TBCK: variants seen among roughly 807,000 people sequenced by gnomAD.
TBCK encodes TBC1 domain containing kinase, also known as TBC domain-containing protein kinase-like protein.
Under a neutral mutation model 113.4 loss-of-function variants are expected in TBCK, and 99 were observed. The ratio of observed to expected loss-of-function variants is 0.87; its 90% confidence interval spans 0.74 to 1.03. The LOEUF (loss-of-function observed/expected upper bound fraction) is 1.03, where lower values mean the gene tolerates loss of function less well. TBCK is among the 50% of genes least tolerant of loss of function. The pLI, the probability that TBCK is intolerant of heterozygous loss-of-function variation, is 0.00. For synonymous variants in TBCK, 369 were observed against 370.8 expected, an observed-to-expected ratio of 1.00 and a Z score of 0.05; for missense variants, 1,045 against 1,061.3, an observed-to-expected ratio of 0.98 and a Z score of 0.21.
chr4:106,228,503 T>C lies in TBCK; in HGVS notation c.1774+1860A>G, dbSNP rs916751823. Among the ~76,000 whole-genome samples the C allele has an allele frequency of 2.6e-5, 4 of 152,132 alleles. No homozygotes were observed. In the East Asian group the frequency reaches 7.7e-4, roughly 29 times the overall value. ...AAGTGAGAACATGTGAAGCCTGTCT[T>C]TTTGTGCCTGGCTTATTTCATTTAA... On this transcript the variant is annotated intron_variant, in intron 19 of 25. Coordinates refer to ENST00000394708, the MANE Select transcript of TBCK (RefSeq NM_001163435.3).
At chr4:106,051,485 T>C (rs1255573801) in intron 25 of TBCK, among the ~76,000 whole-genome samples, 1 of 151,886 alleles carries the variant, frequency 6.6e-6, no homozygotes, top group Non-Finnish European at 1.5e-5. Flanking sequence ...CGGTTGAGCA[T>C]GGTATTGAAT....
At chr4:106,112,682 A>G (rs1486673328) in intron 24 of TBCK, among the ~76,000 whole-genome samples, 1 of 152,180 alleles carries the variant, frequency 6.6e-6, no homozygotes, top group African/African-American at 2.4e-5. Flanking sequence ...CTCCGACTTC[A>G]GCATTTGCTA....
At chr4:106,303,355 G>A (rs867275443) in intron 2 of TBCK, among the ~76,000 whole-genome samples, 2 of 151,772 alleles carry the variant, frequency 1.3e-5, no homozygotes, top group Non-Finnish European at 1.5e-5. Flanking sequence ...TTTTCCATTA[G>A]GAATCCTTTT....
rs941055100 is a variant in TBCK, at chr4:106,099,535, A to T, written c.2412-3894T>A. 2.6e-5 allele frequency among the ~76,000 whole-genome samples: 4 copies of T among 152,168 alleles called. No homozygotes were observed. The East Asian group carries it at 7.7e-4, about 29-fold the overall frequency. ...TTAAACCCACAGTTCTCTCATATAT[A>T]CCATAACTAAATAGCATTAACTGAT... On this transcript the variant is annotated intron_variant, in intron 24 of 25. Coordinates refer to ENST00000394708, the MANE Select transcript of TBCK (RefSeq NM_001163435.3).
intron 3 of TBCK, among the ~76,000 whole-genome samples, chr4:106,275,669 A>C (rs1231109841): frequency 6.6e-6 from 1 of 152,190 alleles, no homozygotes; most frequent in African/African-American, 2.4e-5. Flanking sequence ...TTTTACCTAC[A>C]ATCATATCAA....
chr4:106,247,100 A>C (rs763275302), intron 10 of TBCK, 39 bp downstream of exon 10: 155 of 1,579,830 alleles, frequency 9.8e-5, no homozygotes, highest in Non-Finnish European at 1.3e-4. Context: ...CTTTAAAAAC[A>C]AGGCTCATAT....
intron 22 of TBCK, among the ~76,000 whole-genome samples, chr4:106,187,927 A>T (rs975088991): frequency 2.6e-5 from 4 of 152,196 alleles, no homozygotes; most frequent in African/African-American, 9.6e-5. Flanking sequence ...TAAAGTTTTC[A>T]TCAAATCTAG....
chr4:106,224,833 T>C (rs1047042834), intron 19 of TBCK, among the ~76,000 whole-genome samples: 10 of 152,188 alleles, frequency 6.6e-5, no homozygotes, highest in Admixed American at 6.5e-4. Flanking sequence ...TTCTCACCAA[T>C]GAAATTCCTA....
chr4:106,197,989 AT>A, intron 20 of TBCK, among the ~76,000 whole-genome samples: 1 of 152,216 alleles, frequency 6.6e-6, no homozygotes, highest in Non-Finnish European at 1.5e-5. Flanking sequence ...CTTTAGCCAA[AT>A]TGATTTTTCT....
At chr4:106,239,927 G>C (rs936374377) in intron 12 of TBCK, among the ~76,000 whole-genome samples, 4 of 151,732 alleles carry the variant, frequency 2.6e-5, no homozygotes, top group Admixed American at 1.3e-4. Flanking sequence ...TGCAGTAAAA[G>C]AAAAGAAACT....
At chr4:106,181,071 G>A (rs1752314635) in intron 22 of TBCK, among the ~76,000 whole-genome samples, 2 of 152,140 alleles carry the variant, frequency 1.3e-5, no homozygotes, top group Non-Finnish European at 1.5e-5. Context: ...TCTAACTGGT[G>A]TGAGATGGTC....
intron 3 of TBCK, among the ~76,000 whole-genome samples, chr4:106,268,769 A>T (rs1763219372): frequency 6.6e-6 from 1 of 152,138 alleles, no homozygotes; most frequent in African/African-American, 2.4e-5. Flanking sequence ...GCCTCAAACC[A>T]TCAGCTCTTT....
rs1759474669 is a variant in TBCK, at chr4:106,236,469, G to C, written c.1271C>G (p.Ala424Gly). The C allele has an allele frequency of 1.1e-5, 18 of 1,580,298 alleles. No homozygotes were observed. The highest frequency in any genetic ancestry group is 1.5e-5 in the Non-Finnish European group (18 of 1,162,164). ...SNSNNELSAA[A>G]TLPLIIREKD... ...CTCTCTGATGATTAAAGGGAGCGTGGCAGCTGCAGACAACTCATTATTGCT... is the reference window on the plus strand; with the variant it reads ...CTCTCTGATGATTAAAGGGAGCGTGCCAGCTGCAGACAACTCATTATTGCT... The change falls in exon 14 of 26, where the codon GCC becomes GGC. Residue 424 changes from alanine to glycine, a missense_variant. Transcript: ENST00000394708.
chr4:106,154,916 T>A (rs1188805838), intron 23 of TBCK, among the ~76,000 whole-genome samples: 1 of 152,142 alleles, frequency 6.6e-6, no homozygotes, highest in Non-Finnish European at 1.5e-5. Flanking sequence ...CACAGTGTGA[T>A]AATATTCTGT....
intron 25 of TBCK, among the ~76,000 whole-genome samples, chr4:106,083,848 G>C (rs920194032): frequency 1.3e-5 from 2 of 152,028 alleles, no homozygotes; most frequent in African/African-American, 4.8e-5. Flanking sequence ...TACAGAAGAG[G>C]GACTTGACTA....
At chr4:106,309,707 A>G (rs1767978644) in intron 1 of TBCK, among the ~76,000 whole-genome samples, 1 of 152,144 alleles carries the variant, frequency 6.6e-6, no homozygotes, top group African/African-American at 2.4e-5. Context: ...ATAGGTACCA[A>G]CTAGTAACGA....
chr4:106,315,335 GGAAA>G (rs1317683640), intron 1 of TBCK, among the ~76,000 whole-genome samples: 1 of 151,998 alleles, frequency 6.6e-6, no homozygotes, highest in African/African-American at 2.4e-5. Flanking sequence ...ACTCGAATGG[GGAAA>G]GAAAGTAAAA....
At chr4:106,281,587 T>TAA (rs1764600755) in intron 3 of TBCK, among the ~76,000 whole-genome samples, 3 of 152,036 alleles carry the variant, frequency 2.0e-5, no homozygotes. Flanking sequence ...ATTATGTTGC[T>TAA]TATATCCCTA....
At chr4:106,149,014 C>T (rs1484860813) in intron 23 of TBCK, among the ~76,000 whole-genome samples, 1 of 152,218 alleles carries the variant, frequency 6.6e-6, no homozygotes, top group East Asian at 1.9e-4. Context: ...TCACCCTGTA[C>T]TTTTACGTTT....
Sources: gnomAD v4.1 joint callset for allele counts (sites outside exome capture counted in the v4.1 genomes callset) on GRCh38, gnomAD v4.1.1 for gene constraint, MANE v1.5 for transcripts, NCBI Gene and HGNC (gene_info 2026-07-23, HGNC 2026-07-21) for gene names.